Variants in FYB2 observed in about 807,000 individuals in gnomAD.
FYB2 encodes the protein FYN binding protein 2, also known as FYN-binding protein 2.
A neutral mutation model predicts 94.1 loss-of-function variants in FYB2; 103 were observed. That is an observed-to-expected ratio of 1.09 (90% CI 0.93 to 1.29). FYB2 has a LOEUF of 1.29. Ranked by LOEUF, FYB2 falls within the 50% of genes most tolerant of loss-of-function variation. FYB2 has a pLI of 0.00. For synonymous variants in FYB2, 293 were observed against 287.9 expected (o/e 1.02, Z -0.18); for missense variants, 896 against 841.5 (o/e 1.06, Z -0.80).
At chr1:56,786,108 A>G (rs1019776534) in intron 4 of FYB2, among the ~76,000 whole-genome samples, 2 of 152,132 alleles carry the variant, frequency 1.3e-5, no homozygotes, top group African/African-American at 4.8e-5. Context: ...CCCAGCCAAC[A>G]CAATCCTAGA....
chr1:56,808,678 G>A (rs1178426208), intron 1 of FYB2, among the ~76,000 whole-genome samples: 2 of 152,178 alleles, frequency 1.3e-5, no homozygotes, highest in East Asian at 1.9e-4. Context: ...CCCTTTGGAG[G>A]AAACCATGCA....
chr1:56,792,022 C>T, intron 2 of FYB2, 34 bp downstream of exon 2: 1 of 1,532,804 alleles, frequency 6.5e-7, no homozygotes, highest in Non-Finnish European at 8.7e-7. Context: ...TGACACCTCC[C>T]TAGCCCCTGT....
chr1:56,731,107 AACTC>A (rs1457321731), intron 15 of FYB2, among the ~76,000 whole-genome samples: 1 of 151,832 alleles, frequency 6.6e-6, no homozygotes, highest in Non-Finnish European at 1.5e-5. Context: ...AAAAAAACCC[AACTC>A]ACTCCCAGGA....
At chr1:56,756,527 C>T (rs1407523593) in intron 6 of FYB2, among the ~76,000 whole-genome samples, 3 of 152,098 alleles carry the variant, frequency 2.0e-5, no homozygotes, top group African/African-American at 7.2e-5. Flanking sequence ...AAAATGCCAT[C>T]ACAAAATCCA....
intron 9 of FYB2, among the ~76,000 whole-genome samples, chr1:56,748,873 T>C (rs1172379498): frequency 1.3e-5 from 2 of 152,072 alleles, no homozygotes; most frequent in African/African-American, 4.8e-5. Context: ...AGAATTTCCT[T>C]CAGTGCATTT....
At chr1:56,759,996 T>C (rs982670306) in intron 5 of FYB2, among the ~76,000 whole-genome samples, 1 of 151,486 alleles carries the variant, frequency 6.6e-6, no homozygotes, top group East Asian at 2.0e-4. Flanking sequence ...GGAGAATTGC[T>C]TTAACCAGGG....
intron 8 of FYB2, 88 bp from the exon 9 acceptor site, chr1:56,751,291 T>C: frequency 7.9e-7 from 1 of 1,270,316 alleles, no homozygotes; most frequent in South Asian, 1.6e-5. Flanking sequence ...CATTCATTCC[T>C]CATGGATAAC....
chr1:56,750,080 C>T (rs531924846), intron 9 of FYB2, among the ~76,000 whole-genome samples: 48 of 151,808 alleles, frequency 3.2e-4, no homozygotes, highest in African/African-American at 1.2e-3. Context: ...TACAGAGATA[C>T]AGAAAAAAAA....
intron 4 of FYB2, among the ~76,000 whole-genome samples, chr1:56,777,328 T>C (rs1289024924): frequency 6.6e-6 from 1 of 150,464 alleles, no homozygotes; most frequent in African/African-American, 2.4e-5. Context: ...ACACAGCTAG[T>C]GTGTGGAGCT....
intron 15 of FYB2, among the ~76,000 whole-genome samples, chr1:56,733,897 G>A (rs1250515399): frequency 1.3e-5 from 2 of 152,126 alleles, no homozygotes; most frequent in Admixed American, 6.6e-5. Flanking sequence ...CTGTTGATTT[G>A]GGGTGGAGAG....
At chr1:56,803,703 C>A (rs944874735) in intron 1 of FYB2, among the ~76,000 whole-genome samples, 1 of 152,180 alleles carries the variant, frequency 6.6e-6, no homozygotes, top group African/African-American at 2.4e-5. Flanking sequence ...GGTCCCAAAC[C>A]GCCACCACAC....
intron 4 of FYB2, among the ~76,000 whole-genome samples, chr1:56,769,064 G>T (rs1407099516): frequency 6.6e-6 from 1 of 151,962 alleles, no homozygotes; most frequent in African/African-American, 2.4e-5. Flanking sequence ...TTTGAGACAG[G>T]TTCTCATCCT....
At chr1:56,810,839 T>C (rs1259403315) in intron 1 of FYB2, among the ~76,000 whole-genome samples, 1 of 152,194 alleles carries the variant, frequency 6.6e-6, no homozygotes, top group African/African-American at 2.4e-5. Context: ...GATGTTGTCA[T>C]TTTTCTGATT....
In FYB2 at chr1:56,719,900, G is replaced by T. The variant is rs538759371; in HGVS notation, c.2165+122C>A. 9.1e-6 allele frequency: 10 copies of T among 1,094,568 alleles called. No homozygotes were observed. In the South Asian group the frequency reaches 1.4e-4, roughly 16 times the overall value. The allele number at this position is 1,094,568 out of a possible 1,614,324, so 67.8% of individuals were successfully genotyped here. A position where few individuals can be genotyped will look rare whatever the true frequency, so the allele number is the denominator to read the frequency against. On this transcript the variant is annotated intron_variant, in intron 19 of 19. Coordinates refer to ENST00000343433, the MANE Select transcript of FYB2 (RefSeq NM_001004303.5). ...CATAATCCTTATAGAATAGGGCACT[G>T]CATGTCTAATTTTTAAAACTTATCC...
upstream of FYB2, chr1:56,824,225 G>A (rs992206011): frequency 6.6e-6 from 1 of 152,186 alleles, no homozygotes; most frequent in African/African-American, 2.4e-5. Context: ...ATTGCTCACA[G>A]TCGAGGAGTC....
chr1:56,723,655 G>C lies in FYB2; in HGVS notation c.1907C>G (p.Thr636Ser). The change falls in exon 17 of 20, where the codon ACC becomes AGC. Residue 636 changes from threonine (T) to serine (S), a missense_variant. Thr to Ser is a moderately conservative substitution (Grantham distance 58, BLOSUM62 1). Coordinates refer to ENST00000343433, the MANE Select transcript of FYB2 (RefSeq NM_001004303.5). ...GTTCTTTTCTAAGTTTTGCTTCTTG[G>C]TTTTGAAGAAATTTCTAGGAGAGAA... is the stretch of plus-strand genomic sequence containing the variant. ...ESFSPRNFFK[T>S]KKQNLEKNRM... 6.4e-7 allele frequency: 1 copy of C among 1,562,962 alleles called. No homozygotes were observed. The highest frequency in any genetic ancestry group is 8.8e-7 in the Non-Finnish European group (1 of 1,139,766).
chr1:56,777,994 C>T (rs1044993098), intron 4 of FYB2, among the ~76,000 whole-genome samples: 1 of 152,148 alleles, frequency 6.6e-6, no homozygotes, highest in Non-Finnish European at 1.5e-5. Context: ...AGCTCTCCAC[C>T]TTTATGATCT....
chr1:56,753,183 T>C (rs911326949), intron 8 of FYB2, among the ~76,000 whole-genome samples: 2 of 152,064 alleles, frequency 1.3e-5, no homozygotes, highest in Non-Finnish European at 2.9e-5. Flanking sequence ...AGGTATCTAA[T>C]GTGAGTACTG....
At position 56,817,564 on chromosome 1, in the gene FYB2, C is replaced by T. The variant is rs76759963; in HGVS notation, c.9+1718G>A. Reference sequence around the variant, plus strand: ...GTTTAGGAAGGCAGGTATCTTCAACCGTTTGGTTCACTGCTGCATCTGCAG... The same window carrying T: ...GTTTAGGAAGGCAGGTATCTTCAACTGTTTGGTTCACTGCTGCATCTGCAG... On this transcript the variant is annotated intron_variant, in intron 1 of 19. Coordinates refer to ENST00000343433, the MANE Select transcript of FYB2 (RefSeq NM_001004303.5). 5.6e-3 allele frequency among the ~76,000 whole-genome samples: 859 copies of T among 152,290 alleles called. 2 individuals are homozygous for T. The highest frequency in any genetic ancestry group is 0.01 in the Middle Eastern group (3 of 294).
Sources: allele counts gnomAD v4.1 joint callset (sites outside exome capture counted in the v4.1 genomes callset), GRCh38; gene constraint gnomAD v4.1.1; transcripts MANE v1.5; gene names NCBI Gene and HGNC (gene_info 2026-07-23, HGNC 2026-07-21).